ASB5: variants seen among roughly 807,000 people sequenced by gnomAD.
ASB5 encodes ankyrin repeat and SOCS box containing 5, also known as ankyrin repeat and SOCS box protein 5.
In ASB5, 45 loss-of-function variants were observed where a neutral mutation model predicts 42.1. The observed-to-expected ratio is 1.07, with a 90% CI of 0.84 to 1.37. The LOEUF (loss-of-function observed/expected upper bound fraction) is 1.37. Ranked by LOEUF, ASB5 falls within the 40% of genes most tolerant of loss-of-function variation. The probability of loss-of-function intolerance (pLI) is 0.00; values close to 1 mark genes in which losing one functional copy is unlikely to be tolerated. For missense variants in ASB5, 402 were observed against 399.8 expected (o/e 1.01, Z -0.05); for synonymous variants, 147 against 150.6 (o/e 0.98, Z 0.18).
chr4:176,254,537 CA>C (rs60761708), intron 1 of ASB5, among the ~76,000 whole-genome samples: 66,921 of 144,216 alleles, frequency 0.46, 15,099 homozygotes, highest in African/African-American at 0.52. Context: ...AAAGCAATTG[CA>C]AAAAAAAAAA....
chr4:176,221,251 T>C lies in ASB5; in HGVS notation c.574A>G (p.Ile192Val), dbSNP rs1753196340. 3 of 1,614,048 alleles carry C rather than the reference T, an allele frequency of 1.9e-6. No homozygotes were observed. Among genetic ancestry groups the C allele is most frequent in the Admixed American group, 1.7e-5 (1 of 59,992 alleles). Residue 192 changes from isoleucine (I) to valine (V), a missense_variant, in exon 5 of 7, where the codon ATA becomes GTA. Physicochemically the swap from Ile to Val is conservative, Grantham distance 29 (BLOSUM62 3). Transcript: ENST00000296525. ...ECLDILISWGIDVDQEIPHLG... is the reference protein window; with the variant it reads ...ECLDILISWGVDVDQEIPHLG... ...TGAGGAATTTCTTGGTCAACATCTA[T>C]GCCCCAGGATATCAGGATGTCAAGA...
intron 6 of ASB5, 103 bp from the exon 7 acceptor site, chr4:176,215,830 A>G: frequency 8.7e-7 from 1 of 1,154,784 alleles, no homozygotes; most frequent in African/African-American, 1.6e-5. Context: ...GCTTTGTAGT[A>G]AACCTAGGAT....
chr4:176,214,271 A>AT lies in ASB5; in HGVS notation c.*1328dup, dbSNP rs1752908589. ...GAAAATAAGCCCTGGGTTGTTGAAA[A>AT]TAGTGGTCAAAATATTTACTTTATC... On this transcript the variant is annotated 3_prime_UTR_variant, in exon 7 of 7. Coordinates refer to ENST00000296525, the MANE Select transcript of ASB5 (RefSeq NM_080874.4). The AT allele has an allele frequency of 3.9e-5, 6 of 152,240 alleles. No homozygotes were observed. The South Asian group carries it at 1.2e-3, about 32-fold the overall frequency. The allele number at this position is 152,240 out of a possible 1,614,324, so 9.4% of individuals were successfully genotyped here. A position where few individuals can be genotyped will look rare whatever the true frequency, so the allele number is the denominator to read the frequency against.
intron 1 of ASB5, chr4:176,237,365 T>C (rs929960437): frequency 2.0e-6 from 2 of 985,906 alleles, no homozygotes; most frequent in Non-Finnish European, 1.2e-6. Flanking sequence ...TAGCCTTCTT[T>C]TCGTGAGGAC....
At chr4:176,216,357 T>G (rs1160576641) in intron 6 of ASB5, among the ~76,000 whole-genome samples, 1 of 152,148 alleles carries the variant, frequency 6.6e-6, no homozygotes, top group Non-Finnish European at 1.5e-5. Context: ...ATTATCATTT[T>G]TTTTCTTTTT....
In ASB5 at chr4:176,214,002, C is replaced by T. The variant is rs561721597; in HGVS notation, c.*1598G>A. 5.3e-5 allele frequency: 8 copies of T among 152,044 alleles called. No individual in the cohort carries two copies. The highest frequency in any genetic ancestry group is 1.3e-4 in the Admixed American group (2 of 15,258). 9.4% of individuals were successfully genotyped at this position (152,044 alleles called of 1,614,324 possible). On this transcript the variant is annotated 3_prime_UTR_variant, in exon 7 of 7. Coordinates refer to ENST00000296525, the MANE Select transcript of ASB5 (RefSeq NM_080874.4). ...ATAATAAGAACTCCATTTTAATGCA[C>T]GTTATCCATTACAAATGTGTGAGAT... is the stretch of plus-strand genomic sequence containing the variant.
At chr4:176,271,890 C>T (rs1340128381), upstream of ASB5, among the ~76,000 whole-genome samples, 1 of 152,014 alleles carries the variant, frequency 6.6e-6, no homozygotes, top group Non-Finnish European at 1.5e-5. Context: ...TTTTTAAGCA[C>T]TTACAATCTG....
intron 1 of ASB5, among the ~76,000 whole-genome samples, chr4:176,268,026 T>C (rs1187077252): frequency 2.0e-5 from 3 of 152,198 alleles, no homozygotes; most frequent in Non-Finnish European, 4.4e-5. Context: ...GCTGACAATT[T>C]AAGTTGTTTT....
chr4:176,265,456 A>G (rs1224107224), intron 1 of ASB5, among the ~76,000 whole-genome samples: 1 of 152,214 alleles, frequency 6.6e-6, no homozygotes, highest in Non-Finnish European at 1.5e-5. Flanking sequence ...TAAGGATGAG[A>G]ACAATACATT....
chr4:176,241,709 A>G, intron 1 of ASB5: 7 of 1,264,906 alleles, frequency 5.5e-6, no homozygotes, highest in Non-Finnish European at 6.0e-6. Context: ...TAAGCCTGAC[A>G]TAAGCATCTT....
intron 1 of ASB5, among the ~76,000 whole-genome samples, chr4:176,257,540 C>T (rs1481278095): frequency 6.6e-6 from 1 of 152,190 alleles, no homozygotes; most frequent in African/African-American, 2.4e-5. Flanking sequence ...CTCAGAATGT[C>T]TTACTTTCCT....
At chr4:176,237,974 C>A (rs1368662857) in intron 1 of ASB5, among the ~76,000 whole-genome samples, 1 of 152,160 alleles carries the variant, frequency 6.6e-6, no homozygotes, top group Non-Finnish European at 1.5e-5. Context: ...GTAATCCCAG[C>A]ACCTTGGGAG....
At chr4:176,263,943 G>A (rs1405911576) in intron 1 of ASB5, among the ~76,000 whole-genome samples, 1 of 151,508 alleles carries the variant, frequency 6.6e-6, no homozygotes, top group Non-Finnish European at 1.5e-5. Flanking sequence ...TCCTATCCAG[G>A]TTACAGTATT....
intron 5 of ASB5, 117 bp downstream of exon 5, chr4:176,221,038 G>C: frequency 7.8e-7 from 1 of 1,276,024 alleles, no homozygotes; most frequent in Non-Finnish European, 1.0e-6. Flanking sequence ...GTGTGAAAAT[G>C]CTTAAAATAA....
chr4:176,221,391 CA>C, intron 4 of ASB5, 58 bp downstream of exon 4: 1 of 1,600,702 alleles, frequency 6.2e-7, no homozygotes, highest in Non-Finnish European at 8.5e-7. Flanking sequence ...ATCAACAGAG[CA>C]CTGCAGGTTG....
intron 1 of ASB5, among the ~76,000 whole-genome samples, chr4:176,243,148 A>G (rs2126964556): frequency 6.6e-6 from 1 of 152,314 alleles, no homozygotes; most frequent in East Asian, 1.9e-4. Context: ...CAACCTCTGG[A>G]CTTTATAATA....
intron 2 of ASB5, among the ~76,000 whole-genome samples, chr4:176,224,244 T>C (rs1157823530): frequency 3.4e-5 from 4 of 119,056 alleles, no homozygotes; most frequent in African/African-American, 1.1e-4. Flanking sequence ...TTTTTTTTTT[T>C]TTTTGAGAGG....
chr4:176,213,892 A>G lies in ASB5; in HGVS notation c.*1708T>C, dbSNP rs1217828808. 2 of 152,064 alleles carry G rather than the reference A, an allele frequency of 1.3e-5. No homozygotes were observed. The highest frequency in any genetic ancestry group is 2.4e-5 in the African/African-American group (1 of 41,428). 9.4% of individuals were successfully genotyped at this position (152,064 alleles called of 1,614,324 possible). A position where few individuals can be genotyped will look rare whatever the true frequency, so the allele number is the denominator to read the frequency against. Reference sequence around the variant, plus strand: ...GGTTGTATTACTCTTAAAATCTAAGACTTCTCCTCTAGCTCAGGGAAAATA... The same window carrying G: ...GGTTGTATTACTCTTAAAATCTAAGGCTTCTCCTCTAGCTCAGGGAAAATA... On this transcript the variant is annotated 3_prime_UTR_variant, in exon 7 of 7. Transcript: ENST00000296525.
intron 5 of ASB5, 116 bp downstream of exon 5, chr4:176,221,039 C>T: frequency 7.7e-7 from 1 of 1,298,922 alleles, no homozygotes; most frequent in Non-Finnish European, 1.0e-6. Context: ...TGTGAAAATG[C>T]TTAAAATAAG....
Sources: gnomAD v4.1 joint callset for allele counts (sites outside exome capture counted in the v4.1 genomes callset) on GRCh38, gnomAD v4.1.1 for gene constraint, MANE v1.5 for transcripts, NCBI Gene and HGNC (gene_info 2026-07-23, HGNC 2026-07-21) for gene names.